Variants in FMN1 observed in about 807,000 individuals in gnomAD.
The protein encoded by FMN1 is formin-1.
In FMN1, 110 loss-of-function variants were observed where a neutral mutation model predicts 132.4. That is an observed-to-expected ratio of 0.83 (90% CI 0.71 to 0.97). FMN1 has a LOEUF of 0.97. Among genes scored for constraint, FMN1 ranks in the 50% least tolerant of loss-of-function variants. FMN1 has a pLI of 0.00. For synonymous variants in FMN1, 722 were observed against 651.7 expected (o/e 1.11, Z -1.64); for missense variants, 1,792 against 1,705.3 (o/e 1.05, Z -0.90).
At chr15:32,884,360 A>C (rs2059844538) in intron 16 of FMN1, among the ~76,000 whole-genome samples, 1 of 152,090 alleles carries the variant, frequency 6.6e-6, no homozygotes, top group Non-Finnish European at 1.5e-5. Context: ...TCCATCTTCA[A>C]AGCCAGCGAC....
intron 17 of FMN1, among the ~76,000 whole-genome samples, chr15:32,838,582 C>T (rs2058677886): frequency 1.3e-5 from 2 of 152,196 alleles, no homozygotes; most frequent in South Asian, 4.1e-4. Context: ...AACACACATG[C>T]CCGCTTAAAG....
At chr15:32,844,504 C>T (rs945913509) in intron 17 of FMN1, among the ~76,000 whole-genome samples, 4 of 151,964 alleles carry the variant, frequency 2.6e-5, no homozygotes, top group Admixed American at 2.0e-4. Context: ...ATAAAAGTTC[C>T]ATGCATATCT....
In FMN1 at chr15:33,019,505, G is replaced by A. The variant is rs891998889; in HGVS notation, c.2162-11430C>T. ...GCGACTCCTCAGCCCTTGGGCGGTC[G>A]ATGGGACCGGGCGCCCTGGAGTAGG... On this transcript the variant is annotated intron_variant, in intron 6 of 20. Coordinates refer to ENST00000616417, the MANE Select transcript of FMN1 (RefSeq NM_001277313.2). Among the ~76,000 whole-genome samples the A allele has an allele frequency of 2.6e-5, 4 of 152,334 alleles. 1 individual carries two copies. The highest frequency in any genetic ancestry group is 6.8e-3 in the Middle Eastern group (2 of 294).
At chr15:32,987,594 T>C (rs1183713635) in intron 7 of FMN1, among the ~76,000 whole-genome samples, 1 of 152,164 alleles carries the variant, frequency 6.6e-6, no homozygotes, top group Non-Finnish European at 1.5e-5. Context: ...TTTATAAAGA[T>C]TGGCATGAAG....
intron 4 of FMN1, among the ~76,000 whole-genome samples, chr15:33,140,615 T>C (rs1308298967): frequency 2.0e-5 from 3 of 152,160 alleles, no homozygotes; most frequent in South Asian, 2.1e-4. Context: ...ATTACAACAA[T>C]GTAAAGTGCT....
At chr15:33,172,297 A>G (rs530242591) in intron 3 of FMN1, among the ~76,000 whole-genome samples, 9 of 152,348 alleles carry the variant, frequency 5.9e-5, no homozygotes, top group Non-Finnish European at 8.8e-5. Flanking sequence ...TGTAATTACT[A>G]AAGTACTAAG....
At chr15:33,147,051 G>C (rs1964252437) in intron 4 of FMN1, among the ~76,000 whole-genome samples, 1 of 151,804 alleles carries the variant, frequency 6.6e-6, no homozygotes, top group Non-Finnish European at 1.5e-5. Context: ...TGTAATCCCA[G>C]CTAGCTGGGA....
intron 6 of FMN1, among the ~76,000 whole-genome samples, chr15:33,060,922 G>C (rs142986911): frequency 8.9e-4 from 135 of 152,266 alleles, no homozygotes; most frequent in African/African-American, 1.7e-3. Context: ...TGTACATCAT[G>C]ACAATGTATT....
intron 8 of FMN1, among the ~76,000 whole-genome samples, chr15:32,967,883 T>C (rs1040447846): frequency 6.6e-6 from 1 of 152,244 alleles, no homozygotes; most frequent in African/African-American, 2.4e-5. Flanking sequence ...TGTCCTATAT[T>C]TGCTGTCCTT....
intron 3 of FMN1, among the ~76,000 whole-genome samples, chr15:33,162,887 C>T (rs1175576963): frequency 6.6e-6 from 1 of 152,152 alleles, no homozygotes; most frequent in Admixed American, 6.5e-5. Context: ...GAGGCCAAGG[C>T]AGGCAGATCA....
At chr15:33,106,431 C>A (rs2039491270) in intron 4 of FMN1, among the ~76,000 whole-genome samples, 1 of 151,928 alleles carries the variant, frequency 6.6e-6, no homozygotes, top group African/African-American at 2.4e-5. Flanking sequence ...GTATAAACAT[C>A]ATTTAAATCT....
chr15:33,083,076 T>C (rs2038548776), intron 5 of FMN1, among the ~76,000 whole-genome samples: 2 of 151,078 alleles, frequency 1.3e-5, no homozygotes, highest in Admixed American at 1.3e-4. Flanking sequence ...TACACAGCAG[T>C]CTAGCATCTA....
intron 4 of FMN1, among the ~76,000 whole-genome samples, chr15:33,128,505 T>G (rs1463431700): frequency 6.6e-6 from 1 of 152,214 alleles, no homozygotes; most frequent in African/African-American, 2.4e-5. Flanking sequence ...CTCAGAGTCA[T>G]TACACTGAGA....
At chr15:32,855,149 G>A (rs1282277179) in intron 17 of FMN1, among the ~76,000 whole-genome samples, 1 of 123,854 alleles carries the variant, frequency 8.1e-6, no homozygotes, top group Non-Finnish European at 1.6e-5. Flanking sequence ...CTGGAATTAC[G>A]TGGAGAGTAA....
intron 15 of FMN1, among the ~76,000 whole-genome samples, chr15:32,888,643 C>A (rs181902412): frequency 1.3e-5 from 2 of 152,236 alleles, no homozygotes; most frequent in East Asian, 3.9e-4. Context: ...ATTTGAAGTC[C>A]CCATTTGATT....
At chr15:32,856,695 T>C (rs1312246593) in intron 17 of FMN1, among the ~76,000 whole-genome samples, 1 of 152,228 alleles carries the variant, frequency 6.6e-6, no homozygotes, top group East Asian at 1.9e-4. Context: ...TACATGTATG[T>C]CATTTGTCAG....
chr15:33,091,811 G>GA (rs1018349968), intron 4 of FMN1, among the ~76,000 whole-genome samples: 26 of 151,966 alleles, frequency 1.7e-4, no homozygotes, highest in Non-Finnish European at 7.4e-5. Flanking sequence ...AATAAAAAGA[G>GA]AAAAAAATCA....
chr15:32,984,736 T>G (rs1260509678), intron 7 of FMN1, among the ~76,000 whole-genome samples: 2 of 152,034 alleles, frequency 1.3e-5, no homozygotes, highest in East Asian at 3.8e-4. Flanking sequence ...TGTGGCTAAG[T>G]GAAATTCAAC....
chr15:32,787,153 A>C (rs1341738048), intron 19 of FMN1, among the ~76,000 whole-genome samples: 4 of 152,224 alleles, frequency 2.6e-5, no homozygotes, highest in Admixed American at 2.6e-4. Flanking sequence ...TGTAAGAAAA[A>C]AACAACAACA....
Sources: gnomAD v4.1 joint callset for allele counts (sites outside exome capture counted in the v4.1 genomes callset) on GRCh38, gnomAD v4.1.1 for gene constraint, MANE v1.5 for transcripts, NCBI Gene and HGNC (gene_info 2026-07-23, HGNC 2026-07-21) for gene names.